The following MYH7 variants were observed in gnomAD, a reference collection of about 807,000 sequenced individuals.
MYH7 encodes the protein myosin-7.
Under a neutral mutation model 225.4 loss-of-function variants are expected in MYH7, and 129 were observed. The ratio of observed to expected loss-of-function variants is 0.57; its 90% confidence interval spans 0.50 to 0.66. The LOEUF is 0.66. Ranked by LOEUF, MYH7 falls within the 30% of genes least tolerant of loss-of-function variation. The probability of loss-of-function intolerance (pLI) is 0.00; values close to 1 mark genes in which losing one functional copy is unlikely to be tolerated. For missense variants in MYH7, 1,649 were observed against 2,517.0 expected (o/e 0.66, Z 7.38); for synonymous variants, 971 against 1,007.6 (o/e 0.96, Z 0.69).
In MYH7 at chr14:23,415,832, C is replaced by A. The variant is rs397516233; in HGVS notation, c.4954G>T (p.Asp1652Tyr). 63 of 1,614,096 alleles carry A rather than the reference C, an allele frequency of 3.9e-5. No homozygotes were observed. The highest frequency in any genetic ancestry group is 1.7e-4 in the Admixed American group (10 of 60,010). Residue 1652 changes from aspartate to tyrosine, a missense_variant and splice_region_variant, in exon 35 of 40, where the codon GAC (aspartate) becomes TAC (tyrosine). By Grantham distance (160) the Asp-to-Tyr change is radical. This residue lies in a region of MYH7 where 687 missense variants were observed against 913.8 expected (regional missense o/e 0.75). Coordinates refer to ENST00000355349, the MANE Select transcript of MYH7 (RefSeq NM_000257.4). The surrounding 1 kb of genome is among the most constrained non-coding windows in gnomAD (Gnocchi z 6.3). ...GCATCGTCCAGCTGAATCTGGGTGT[C>A]CTGAGGATCAGGAGAGTGGGCATGA... ...QVKSLQSLLK[D>Y]TQIQLDDAVR...
At chr14:23,419,737 C>T in intron 27 of MYH7, 108 bp downstream of exon 27, 1 of 1,612,228 alleles carries the variant, frequency 6.2e-7, no homozygotes. Context: ...GAGAACCAGG[C>T]AGAGGAAGGG....
At position 23,413,779 on chromosome 14, in the gene MYH7, TC is replaced by T. The variant is rs1892066954; in HGVS notation, c.5769del (p.Ser1924AlafsTer9). 3 of 1,614,186 alleles carry T rather than the reference TC, an allele frequency of 1.9e-6. No individual in the cohort carries two copies. Among genetic ancestry groups the T allele is most frequent in the Middle Eastern group, 3.3e-4 (2 of 6,038 alleles). ...CCCACCTTCGTGCCAATGTCACGGCTCTTGGCCCGCAGCTTGTTGACCTGGG... is the reference window on the plus strand; with the variant it reads ...CCCACCTTCGTGCCAATGTCACGGCTTTGGCCCGCAGCTTGTTGACCTGGG... Reference protein sequence around the residue: ...AESQVNKLRAKSRDIGTKGLN... With the variant: ...AESQVNKLRAXSRDIGTKGLN... On this transcript the variant is annotated frameshift_variant, in exon 39 of 40. Transcript: ENST00000355349. LOFTEE classifies it high-confidence loss of function.
rs878908005 is a variant in MYH7, at chr14:23,422,202, G to C, written c.3223C>G (p.Gln1075Glu). The change falls in exon 25 of 40, where the codon CAG (glutamine) becomes GAG (glutamate). Residue 1075 changes from glutamine to glutamate, a missense_variant. By Grantham distance (29) the Gln-to-Glu change is conservative. This residue lies in a region of MYH7 where 282 missense variants were observed against 315.3 expected (regional missense o/e 0.89). Coordinates refer to ENST00000355349, the MANE Select transcript of MYH7 (RefSeq NM_000257.4). ...SIMDLENDKQ[Q>E]LDERLKKKDF... is the part of the protein sequence containing the mutation. ...TACTTTTTCAGCCGCTCATCCAGCTGCTGCTTGTCATTCTCCAGGTCCATG... is the reference window on the plus strand; with the variant it reads ...TACTTTTTCAGCCGCTCATCCAGCTCCTGCTTGTCATTCTCCAGGTCCATG... 5 of 1,613,428 alleles carry C rather than the reference G, an allele frequency of 3.1e-6. No individual in the cohort carries two copies. The highest frequency in any genetic ancestry group is 1.8e-4 in the Middle Eastern group (1 of 5,480).
rs2138672266 is a variant in MYH7 at position 23,427,742 on chromosome 14, G to A, written c.1731C>T (p.Phe577=). The change falls in exon 16 of 40, where the codon TTC becomes TTT. Residue 577 remains phenylalanine, a synonymous_variant. Coordinates refer to ENST00000355349, the MANE Select transcript of MYH7 (RefSeq NM_000257.4). ...CGATGCCGGCATAGTGGATCAGGGA[G>A]AAGTGGGCTTCAGGCTTCCCCTTGA... ...RNIKGKPEAH[F]SLIHYAGIVD... is the part of the protein sequence containing the mutation. The A allele has an allele frequency of 6.2e-7, 1 of 1,614,234 alleles. No individual in the cohort carries two copies. Among genetic ancestry groups the A allele is most frequent in the South Asian group, 1.1e-5 (1 of 91,088 alleles).
chr14:23,422,155 G>GGGCA (rs758924314), intron 25 of MYH7, 25 bp downstream of exon 25: 1 of 1,611,678 alleles, frequency 6.2e-7, no homozygotes, highest in South Asian at 1.1e-5. Flanking sequence ...GGAGGAGGAA[G>GGGCA]GGCAGCAGGG....
Position 23,417,829 on chromosome 14 carries a change from G to A in MYH7, c.4170-143C>T, listed in dbSNP as rs1374367032. On this transcript the variant is annotated intron_variant, in intron 30 of 39. Coordinates refer to ENST00000355349, the MANE Select transcript of MYH7 (RefSeq NM_000257.4). Reference sequence around the variant, plus strand: ...AGCCTGAGGACAGGTCCCAGGGGCCGAGAACATCAGGCAGAGGATCCCAGC... The same window carrying A: ...AGCCTGAGGACAGGTCCCAGGGGCCAAGAACATCAGGCAGAGGATCCCAGC... 1.4e-5 allele frequency: 16 copies of A among 1,178,894 alleles called. No homozygotes were observed. The African/African-American group carries it at 1.5e-4, about 11-fold the overall frequency. The allele number at this position is 1,178,894 out of a possible 1,614,324, so 73.0% of individuals were successfully genotyped here. A position where few individuals can be genotyped will look rare whatever the true frequency, so the allele number is the denominator to read the frequency against.
intron 1 of MYH7, among the ~76,000 whole-genome samples, chr14:23,435,198 A>G (rs1481706229): frequency 1.3e-5 from 2 of 152,078 alleles, no homozygotes; most frequent in Non-Finnish European, 2.9e-5. Flanking sequence ...AATCACATGA[A>G]GGCATACACA....
intron 22 of MYH7, 71 bp from the exon 23 acceptor site, chr14:23,424,220 G>A: frequency 1.3e-6 from 2 of 1,594,828 alleles, no homozygotes; most frequent in Non-Finnish European, 1.7e-6. Context: ...GAGGGAAGGA[G>A]AGGCACATCA....
At chr14:23,414,965 G>T (rs45559133) in intron 37 of MYH7, 30 bp downstream of exon 37, 95 of 1,602,874 alleles carry the variant, frequency 5.9e-5, no homozygotes, top group Middle Eastern at 3.3e-4. Context: ...ATGGTGCCAG[G>T]GCTCTGCCTG....
Position 23,415,231 on chromosome 14 carries a change from T to C in MYH7, c.5323A>G (p.Thr1775Ala). ...TTCATGCGCTCCAGGTGGGCGCTGG[T>C]GTCCTGCTCCTTCTTCAGCTCCTCT... Reference protein sequence around the residue: ...MAEELKKEQDTSAHLERMKKN... With the variant: ...MAEELKKEQDASAHLERMKKN... The change falls in exon 37 of 40, where the codon ACC becomes GCC. Residue 1775 changes from threonine (T) to alanine (A), a missense_variant. Thr to Ala is a moderately conservative substitution (Grantham distance 58). Around this residue, in one of 12 missense-constraint regions of MYH7, gnomAD observed 687 missense variants for 913.8 expected, o/e 0.75. Coordinates refer to ENST00000355349, the MANE Select transcript of MYH7 (RefSeq NM_000257.4). The surrounding 1 kb of genome is among the most constrained non-coding windows in gnomAD (Gnocchi z 6.3). 6.2e-7 allele frequency: 1 copy of C among 1,614,246 alleles called. No homozygotes were observed. Among genetic ancestry groups the C allele is most frequent in the Non-Finnish European group, 8.5e-7 (1 of 1,180,050 alleles).
In MYH7 at chr14:23,433,150, C is replaced by T. The variant is rs1893016977; in HGVS notation, c.279G>A (p.Leu93=). The change falls in exon 4 of 40, where the codon CTG becomes CTA. Residue 93 remains leucine, a synonymous_variant. Coordinates refer to ENST00000355349, the MANE Select transcript of MYH7 (RefSeq NM_000257.4). This position sits in a 1 kb window ranked among gnomAD's most constrained non-coding sequence, Gnocchi z 4.1. ...GCACCGCGGGCTCATGCAGGAAGGT[C>T]AGCATGGCCATGTCCTCGATTTTGT... is the stretch of plus-strand genomic sequence containing the variant. ...KFDKIEDMAM[L]TFLHEPAVLY... 6.2e-7 allele frequency: 1 copy of T among 1,614,128 alleles called. No individual in the cohort carries two copies. Among genetic ancestry groups the T allele is most frequent in the Non-Finnish European group, 8.5e-7 (1 of 1,180,026 alleles).
chr14:23,421,753 C>T, intron 25 of MYH7: 1 of 985,424 alleles, frequency 1.0e-6, no homozygotes, highest in Non-Finnish European at 1.2e-6. Flanking sequence ...AAAGAAATGG[C>T]CCTGATCCCC....
intron 11 of MYH7, 44 bp from the exon 12 acceptor site, chr14:23,429,957 T>G: frequency 6.2e-7 from 1 of 1,611,222 alleles, no homozygotes; most frequent in East Asian, 2.2e-5. Flanking sequence ...AAAAGAAGTA[T>G]GATGGGTAAG....
intron 14 of MYH7, 94 bp downstream of exon 14, chr14:23,428,861 C>T: frequency 6.2e-7 from 1 of 1,600,198 alleles, no homozygotes; most frequent in Middle Eastern, 2.0e-4. Context: ...CACTGCCTTC[C>T]CATGTCTGGT....
chr14:23,429,713 C>T, intron 12 of MYH7, 62 bp downstream of exon 12: 15 of 1,556,372 alleles, frequency 9.6e-6, no homozygotes, highest in Non-Finnish European at 1.3e-5. Flanking sequence ...AGAGAGATGA[C>T]TGCTGAGCAG....
At chr14:23,429,550 C>T (rs1892840923) in intron 12 of MYH7, among the ~76,000 whole-genome samples, 1 of 152,044 alleles carries the variant, frequency 6.6e-6, no homozygotes, top group South Asian at 2.1e-4. Context: ...GTGGTGCATG[C>T]CTGTAATTCC....
At chr14:23,435,492 G>T (rs1370284145) in intron 1 of MYH7, 128 bp downstream of exon 1, 2 of 152,234 alleles carry the variant, frequency 1.3e-5, no homozygotes, top group Non-Finnish European at 1.5e-5. Context: ...ACCTGCACAT[G>T]TGTGCCCAGT....
Position 23,412,817 on chromosome 14 carries a change from G to A in MYH7, c.*37C>T, listed in dbSNP as rs2138633025. On this transcript the variant is annotated 3_prime_UTR_variant, in exon 40 of 40. Transcript: ENST00000355349. Reference sequence around the variant, plus strand: ...CAGGCTCCAGCATGGGGCTTTGCTGGCACCTCCAGGGCTGAGCAGATCAAG... The same window carrying A: ...CAGGCTCCAGCATGGGGCTTTGCTGACACCTCCAGGGCTGAGCAGATCAAG... 6.2e-7 allele frequency: 1 copy of A among 1,613,244 alleles called. No homozygotes were observed. The highest frequency in any genetic ancestry group is 8.5e-7 in the Non-Finnish European group (1 of 1,179,268).
chr14:23,433,015 T>C lies in MYH7; in HGVS notation c.345+69A>G. The stretch of plus-strand genomic sequence containing the variant: ...CCTAGACACAAACAGAAGACACTCT[T>C]GGCTCCTGGGGTGGACATGGATGGA... On this transcript the variant is annotated intron_variant, in intron 4 of 39. Coordinates refer to ENST00000355349, the MANE Select transcript of MYH7 (RefSeq NM_000257.4). This position sits in a 1 kb window ranked among gnomAD's most constrained non-coding sequence, Gnocchi z 4.1. 1 of 1,608,910 alleles carries C rather than the reference T, an allele frequency of 6.2e-7. No individual in the cohort carries two copies. Among genetic ancestry groups the C allele is most frequent in the Non-Finnish European group, 8.5e-7 (1 of 1,176,032 alleles).
Sources: gnomAD v4.1 joint callset for allele counts (sites outside exome capture counted in the v4.1 genomes callset) on GRCh38, gnomAD v4.1.1 for gene constraint, gnomAD v4.1.1 regional missense constraint, Gnocchi (gnomAD v3.1) non-coding constraint, MANE v1.5 for transcripts, NCBI Gene and HGNC (gene_info 2026-07-23, HGNC 2026-07-21) for gene names.